The following EPM2A variants were observed in gnomAD, a reference collection of about 807,000 sequenced individuals.
EPM2A encodes EPM2A glucan phosphatase, laforin.
A neutral mutation model predicts 26.5 loss-of-function variants in EPM2A; 21 were observed. The observed-to-expected ratio is 0.79, with a 90% confidence interval of 0.56 to 1.14. The LOEUF (loss-of-function observed/expected upper bound fraction) is 1.14, where lower values mean the gene tolerates loss of function less well. EPM2A is among the 50% of genes most tolerant of loss of function. EPM2A has a pLI of 0.00. For missense variants in EPM2A, 458 were observed against 440.8 expected, an observed-to-expected ratio of 1.04 and a Z score of -0.35; for synonymous variants, 217 against 177.6, an observed-to-expected ratio of 1.22 and a Z score of -1.76.
intron 2 of EPM2A, among the ~76,000 whole-genome samples, chr6:145,645,307 GTGTTGT>G (rs201245338): frequency 6.6e-6 from 1 of 152,014 alleles, no homozygotes; most frequent in African/African-American, 2.4e-5. Context: ...ATTTTCAAAA[GTGTTGT>G]TGTTGTTGTT....
chr6:145,702,513 G>A (rs1016627037), intron 1 of EPM2A, among the ~76,000 whole-genome samples: 5 of 151,846 alleles, frequency 3.3e-5, no homozygotes, highest in African/African-American at 1.2e-4. Flanking sequence ...CTGCCTCATA[G>A]GGCTGTTGTG....
At position 145,552,925 on chromosome 6, in the gene EPM2A, A is replaced by G. The variant is rs74372363; in HGVS notation, c.341-50350T>C. On this transcript the variant is annotated intron_variant, in intron 2 of 3. Coordinates refer to the EPM2A transcript ENST00000450221. Reference sequence around the variant, plus strand: ...AGCATGTGCCAATTATATGTTAATTAATTAAGAAATTAACCTTTATCTAAC... The same window carrying G: ...AGCATGTGCCAATTATATGTTAATTGATTAAGAAATTAACCTTTATCTAAC... 4.6e-3 allele frequency among the ~76,000 whole-genome samples: 704 copies of G among 152,220 alleles called. 25 individuals are homozygous for G. The East Asian group carries it at 0.084, about 18-fold the overall frequency.
intron 2 of EPM2A, among the ~76,000 whole-genome samples, chr6:145,515,726 CAT>C (rs926116448): frequency 6.6e-6 from 1 of 152,156 alleles, no homozygotes; most frequent in African/African-American, 2.4e-5. Flanking sequence ...GGGACATAAA[CAT>C]TCAAACCACA....
At chr6:145,517,334 T>C (rs989763083) in intron 2 of EPM2A, among the ~76,000 whole-genome samples, 1 of 151,468 alleles carries the variant, frequency 6.6e-6, no homozygotes, top group African/African-American at 2.4e-5. Context: ...TAGATCTCAT[T>C]ATGTGTTCTT....
chr6:145,478,450 G>A (rs923792182), intron 4 of EPM2A, among the ~76,000 whole-genome samples: 15 of 151,736 alleles, frequency 9.9e-5, no homozygotes, highest in Admixed American at 6.6e-5. Context: ...ATGGAACCAC[G>A]AAAGACCCAG....
intron 2 of EPM2A, among the ~76,000 whole-genome samples, chr6:145,531,646 A>G (rs1780356704): frequency 6.6e-6 from 1 of 152,140 alleles, no homozygotes; most frequent in Non-Finnish European, 1.5e-5. Context: ...GCATCACACC[A>G]TACTATGGCA....
chr6:145,735,045 C>G (rs1384139658), intron 1 of EPM2A, 153 bp downstream of exon 1: 4 of 438,028 alleles, frequency 9.1e-6, no homozygotes, highest in Non-Finnish European at 1.5e-5. Context: ...CAGGGTCAGC[C>G]CAGGTCGCCC....
At chr6:145,711,334 A>G (rs185953226) in intron 1 of EPM2A, among the ~76,000 whole-genome samples, 1 of 152,364 alleles carries the variant, frequency 6.6e-6, no homozygotes, top group East Asian at 1.9e-4. Flanking sequence ...AGCCCAGCCT[A>G]CAAAAGTTCT....
intron 2 of EPM2A, among the ~76,000 whole-genome samples, chr6:145,683,315 A>G (rs965224980): frequency 0.021 from 1,625 of 76,440 alleles, 13 homozygotes; most frequent in Admixed American, 0.039. Context: ...GTGAGTGTGT[A>G]TATATTAGAT....
intron 4 of EPM2A, among the ~76,000 whole-genome samples, chr6:145,444,278 A>G (rs966167381): frequency 6.6e-6 from 1 of 152,192 alleles, no homozygotes; most frequent in African/African-American, 2.4e-5. Flanking sequence ...TGTTCCTTTA[A>G]TACCTAGTTT....
chr6:145,517,484 A>T (rs425717), intron 2 of EPM2A, among the ~76,000 whole-genome samples: 68,463 of 152,020 alleles, frequency 0.45, 15,463 homozygotes, highest in South Asian at 0.58. Flanking sequence ...ACACGTTATT[A>T]TAAACAGAGT....
intron 2 of EPM2A, among the ~76,000 whole-genome samples, chr6:145,512,710 CAAAAAAAAAAAAA>C (rs58668403): frequency 1.1e-3 from 25 of 22,542 alleles, no homozygotes; most frequent in Middle Eastern, 0.029. Flanking sequence ...GACTCCATCT[CAAAAAAAAAAAAA>C]AAAAAAAAAA....
intron 2 of EPM2A, among the ~76,000 whole-genome samples, chr6:145,600,184 CTTG>C (rs1781399571): frequency 6.6e-6 from 1 of 152,080 alleles, no homozygotes; most frequent in Non-Finnish European, 1.5e-5. Context: ...AATTTTTCCA[CTTG>C]TTATTTCCAT....
At chr6:145,551,510 C>A (rs1162146027) in intron 2 of EPM2A, among the ~76,000 whole-genome samples, 1 of 151,924 alleles carries the variant, frequency 6.6e-6, no homozygotes, top group Non-Finnish European at 1.5e-5. Context: ...GATTTTGACA[C>A]TGGATGAAAG....
chr6:145,499,961 T>A (rs1448248992), downstream of EPM2A, among the ~76,000 whole-genome samples: 1 of 152,062 alleles, frequency 6.6e-6, no homozygotes, highest in East Asian at 1.9e-4. Context: ...GCTTTTCCAC[T>A]CATATCCTGA....
At chr6:145,697,601 GCCGCCC>G (rs1781678621) in intron 1 of EPM2A, among the ~76,000 whole-genome samples, 1 of 152,002 alleles carries the variant, frequency 6.6e-6, no homozygotes, top group Non-Finnish European at 1.5e-5. Context: ...ATAAAAGATG[GCCGCCC>G]CCCGAAGCGG....
intron 4 of EPM2A, among the ~76,000 whole-genome samples, chr6:145,425,426 T>C (rs1260318011): frequency 6.6e-6 from 1 of 152,090 alleles, no homozygotes; most frequent in Admixed American, 6.5e-5. Flanking sequence ...CCACCTGCCT[T>C]TGCCTTCCAA....
At chr6:145,507,223 G>A (rs955105574) in intron 2 of EPM2A, among the ~76,000 whole-genome samples, 4 of 152,118 alleles carry the variant, frequency 2.6e-5, no homozygotes, top group African/African-American at 9.7e-5. Context: ...CTTTTCCCAA[G>A]ATGGTGACAA....
At chr6:145,512,053 C>T (rs1196035758) in intron 2 of EPM2A, among the ~76,000 whole-genome samples, 2 of 152,006 alleles carry the variant, frequency 1.3e-5, no homozygotes, top group Non-Finnish European at 2.9e-5. Context: ...TACATCTAAT[C>T]AAGGAAGTGA....
Sources: allele counts gnomAD v4.1 joint callset (sites outside exome capture counted in the v4.1 genomes callset), GRCh38; gene constraint gnomAD v4.1.1; transcripts MANE v1.5; gene names NCBI Gene and HGNC (gene_info 2026-07-23, HGNC 2026-07-21).